SCLT1: variants seen among roughly 807,000 people sequenced by gnomAD.
SCLT1 encodes the protein sodium channel and clathrin linker 1, also known as sodium channel-associated protein 1.
In SCLT1, 78 loss-of-function variants were observed where a neutral mutation model predicts 112.8. The ratio of observed to expected loss-of-function variants is 0.69; its 90% confidence interval spans 0.58 to 0.83. The LOEUF (loss-of-function observed/expected upper bound fraction) is 0.83, where lower values mean the gene tolerates loss of function less well. Among genes scored for constraint, SCLT1 ranks in the 40% least tolerant of loss-of-function variants. SCLT1 has a pLI of 0.00. For synonymous variants in SCLT1, 257 were observed against 254.7 expected (o/e 1.01, Z -0.09); for missense variants, 747 against 770.4 (o/e 0.97, Z 0.36).
intron 2 of SCLT1, among the ~76,000 whole-genome samples, chr4:129,065,917 C>T (rs1750443567): frequency 6.6e-6 from 1 of 151,816 alleles, no homozygotes; most frequent in African/African-American, 2.4e-5. Context: ...ATTAGAGTAA[C>T]CAGACACTGA....
At chr4:129,084,448 C>T (rs1187153558) in intron 1 of SCLT1, among the ~76,000 whole-genome samples, 1 of 151,912 alleles carries the variant, frequency 6.6e-6, no homozygotes, top group East Asian at 1.9e-4. Context: ...AAAATAAATG[C>T]CCAGTAATAA....
chr4:128,999,894 CATAAA>C (rs1307603917), intron 6 of SCLT1, 100 bp from the exon 7 acceptor site: 26 of 691,516 alleles, frequency 3.8e-5, no homozygotes, highest in East Asian at 9.3e-5. Context: ...CTTATAAAGT[CATAAA>C]ATAAAATAGA....
At chr4:129,048,215 C>T (rs1748378161) in intron 2 of SCLT1, among the ~76,000 whole-genome samples, 1 of 152,166 alleles carries the variant, frequency 6.6e-6, no homozygotes, top group East Asian at 1.9e-4. Context: ...ATCACGCTAC[C>T]TGACTTAAAA....
At chr4:129,039,839 C>A in intron 4 of SCLT1, 1 of 205,330 alleles carries the variant, frequency 4.9e-6, no homozygotes, top group South Asian at 1.7e-4. Flanking sequence ...AGCAAAATAG[C>A]AAAAAATAAG....
intron 5 of SCLT1, among the ~76,000 whole-genome samples, chr4:129,004,318 G>T (rs1418503606): frequency 1.3e-5 from 2 of 152,014 alleles, no homozygotes; most frequent in African/African-American, 4.8e-5. Flanking sequence ...AAACTCACTG[G>T]ACTTCTTACT....
intron 9 of SCLT1, among the ~76,000 whole-genome samples, chr4:128,978,366 T>C (rs1741363878): frequency 6.6e-6 from 1 of 151,734 alleles, no homozygotes; most frequent in Non-Finnish European, 1.5e-5. Context: ...AGTCACATGG[T>C]TAGAAATCTA....
At chr4:128,975,409 TAC>T (rs1741078279) in intron 9 of SCLT1, among the ~76,000 whole-genome samples, 1 of 152,096 alleles carries the variant, frequency 6.6e-6, no homozygotes, top group Admixed American at 6.6e-5. Context: ...TAGGATATAA[TAC>T]TAGATTTAAA....
chr4:129,020,895 G>A (rs1329005410), intron 5 of SCLT1, among the ~76,000 whole-genome samples: 1 of 152,098 alleles, frequency 6.6e-6, no homozygotes, highest in Non-Finnish European at 1.5e-5. Flanking sequence ...AAGAGACAAG[G>A]GTCCTGCTCT....
At chr4:129,013,484 G>A (rs893402653) in intron 5 of SCLT1, among the ~76,000 whole-genome samples, 9 of 152,164 alleles carry the variant, frequency 5.9e-5, no homozygotes, top group Non-Finnish European at 1.3e-4. Context: ...ACCTTCAGGT[G>A]CTCTTGTAAG....
At position 129,043,379 on chromosome 4, in the gene SCLT1, A is replaced by C. The variant is rs750067089; in HGVS notation, c.234+16T>G. The C allele has an allele frequency of 7.9e-7, 1 of 1,269,542 alleles. No homozygotes were observed. The highest frequency in any genetic ancestry group is 1.1e-6 in the Non-Finnish European group (1 of 883,488). The allele number at this position is 1,269,542 out of a possible 1,614,324, so 78.6% of individuals were successfully genotyped here. On this transcript the variant is annotated intron_variant, in intron 4 of 20. Transcript: ENST00000281142. ...TAATAAAATATTACAAAAGCCTCATAACTATGATTTCATACCTGGTAATAT... is the reference window on the plus strand; with the variant it reads ...TAATAAAATATTACAAAAGCCTCATCACTATGATTTCATACCTGGTAATAT...
At chr4:128,946,410 A>G (rs1275401038) in intron 15 of SCLT1, among the ~76,000 whole-genome samples, 1 of 152,168 alleles carries the variant, frequency 6.6e-6, no homozygotes, top group African/African-American at 2.4e-5. Context: ...CATCTAAAAA[A>G]AGTATTAAAA....
At chr4:129,084,453 T>G (rs898959654) in intron 1 of SCLT1, among the ~76,000 whole-genome samples, 1 of 151,936 alleles carries the variant, frequency 6.6e-6, no homozygotes, top group African/African-American at 2.4e-5. Context: ...AAATGCCCAG[T>G]AATAAATACA....
chr4:129,050,286 G>T (rs1267183454), intron 2 of SCLT1, among the ~76,000 whole-genome samples: 1 of 152,078 alleles, frequency 6.6e-6, no homozygotes, highest in Non-Finnish European at 1.5e-5. Flanking sequence ...GGAATTTCTG[G>T]TTCTAGATCC....
Position 129,093,270 on chromosome 4 carries a change from T to G in SCLT1, c.-167A>C. On this transcript the variant is annotated 5_prime_UTR_variant, in exon 1 of 21. Coordinates refer to ENST00000281142, the MANE Select transcript of SCLT1 (RefSeq NM_144643.4). ...CGCGGCATCTACAGCCCCGCCACGC[T>G]TCTTTCCCCCGCGCCCCAGACGAGT... 1 of 642,554 alleles carries G rather than the reference T, an allele frequency of 1.6e-6. No individual in the cohort carries two copies. The highest frequency in any genetic ancestry group is 1.8e-5 in the South Asian group (1 of 56,192). The allele number at this position is 642,554 out of a possible 1,614,324, so 39.8% of individuals were successfully genotyped here.
chr4:129,093,200 G>A lies in SCLT1; in HGVS notation c.-97C>T, dbSNP rs1753012471. 1.7e-6 allele frequency: 2 copies of A among 1,181,322 alleles called. No homozygotes were observed. The highest frequency in any genetic ancestry group is 1.2e-5 in the South Asian group (1 of 82,082). 73.2% of individuals were successfully genotyped at this position (1,181,322 alleles called of 1,614,324 possible). Reference sequence around the variant, plus strand: ...GGAAAACAAAACTAAGCCAACGCTCGGTTGGTTGTCAAGCGCTCCAGCGGT... The same window carrying A: ...GGAAAACAAAACTAAGCCAACGCTCAGTTGGTTGTCAAGCGCTCCAGCGGT... On this transcript the variant is annotated 5_prime_UTR_variant, in exon 1 of 21. An upstream open reading frame in the 5' UTR gains an earlier in-frame stop. Coordinates refer to ENST00000281142, the MANE Select transcript of SCLT1 (RefSeq NM_144643.4).
intron 2 of SCLT1, among the ~76,000 whole-genome samples, chr4:129,071,591 TG>T (rs1213926140): frequency 2.6e-5 from 4 of 152,140 alleles, no homozygotes; most frequent in Non-Finnish European, 5.9e-5. Context: ...TTTTGTTTTT[TG>T]TTTTGTCTGA....
At chr4:128,917,000 A>AAACC (rs1390707201) in intron 18 of SCLT1, among the ~76,000 whole-genome samples, 3 of 152,116 alleles carry the variant, frequency 2.0e-5, no homozygotes, top group Admixed American at 6.5e-5. Context: ...GAACCAGAAA[A>AAACC]AACCAACCAA....
chr4:128,878,925 C>T (rs1732578486), intron 3 of SCLT1, among the ~76,000 whole-genome samples: 1 of 145,442 alleles, frequency 6.9e-6, no homozygotes, highest in Admixed American at 7.1e-5. Context: ...AATCTGAAAA[C>T]CAAAAGAGCT....
At chr4:129,029,145 A>C (rs1171937187) in intron 5 of SCLT1, among the ~76,000 whole-genome samples, 1 of 152,156 alleles carries the variant, frequency 6.6e-6, no homozygotes, top group East Asian at 1.9e-4. Flanking sequence ...TAGAACTAGA[A>C]ATACCATTTG....
Sources: allele counts gnomAD v4.1 joint callset (sites outside exome capture counted in the v4.1 genomes callset), GRCh38; gene constraint gnomAD v4.1.1; transcripts MANE v1.5; gene names NCBI Gene and HGNC (gene_info 2026-07-23, HGNC 2026-07-21).